Variants in STK39 observed in about 807,000 individuals in gnomAD.
STK39 encodes serine/threonine kinase 39.
STK39 carries 20 observed loss-of-function variants against 77.8 expected under a neutral mutation model. The observed-to-expected ratio is 0.26, with a 90% CI of 0.18 to 0.37. STK39 has a LOEUF of 0.37. STK39 is among the 10% of genes least tolerant of loss of function. The pLI is 1.00. For synonymous variants in STK39, 246 were observed against 234.1 expected (o/e 1.05, Z -0.47); for missense variants, 479 against 656.5 (o/e 0.73, Z 2.95).
At chr2:168,163,702 G>A in intron 4 of STK39, 37 bp downstream of exon 4, 1 of 1,612,890 alleles carries the variant, frequency 6.2e-7, no homozygotes, top group Non-Finnish European at 8.5e-7. Flanking sequence ...TTTAAGATAT[G>A]AACATCTGAA....
At chr2:168,045,423 G>GA (rs1685214995) in intron 14 of STK39, among the ~76,000 whole-genome samples, 1 of 139,710 alleles carries the variant, frequency 7.2e-6, no homozygotes, top group Admixed American at 7.6e-5. Flanking sequence ...ACTGATATTT[G>GA]AAAAATGACA....
At chr2:168,164,975 A>G (rs1688662176) in intron 3 of STK39, among the ~76,000 whole-genome samples, 1 of 152,110 alleles carries the variant, frequency 6.6e-6, no homozygotes, top group Non-Finnish European at 1.5e-5. Flanking sequence ...AAGAGGATTG[A>G]GCTTCCCCAT....
chr2:168,184,480 C>T (rs1373655149), intron 1 of STK39, among the ~76,000 whole-genome samples: 1 of 152,066 alleles, frequency 6.6e-6, no homozygotes, highest in African/African-American at 2.4e-5. Flanking sequence ...TAGAAGAGAC[C>T]AAGAACAAAG....
chr2:168,176,298 C>T (rs1243168457), intron 2 of STK39, among the ~76,000 whole-genome samples: 1 of 151,438 alleles, frequency 6.6e-6, no homozygotes, highest in African/African-American at 2.4e-5. Flanking sequence ...AGAGTTTCTC[C>T]CCCCCTTAAA....
At chr2:168,184,043 C>G (rs1474163678) in intron 1 of STK39, among the ~76,000 whole-genome samples, 1 of 152,138 alleles carries the variant, frequency 6.6e-6, no homozygotes, top group Non-Finnish European at 1.5e-5. Flanking sequence ...AATAAATCTC[C>G]CCCCAGCTCA....
intron 16 of STK39, among the ~76,000 whole-genome samples, chr2:168,008,631 C>T (rs2390625): frequency 6.6e-6 from 1 of 151,906 alleles, no homozygotes; most frequent in Non-Finnish European, 1.5e-5. Flanking sequence ...GTATTTAATA[C>T]CACGAAACCT....
intron 14 of STK39, among the ~76,000 whole-genome samples, chr2:168,051,521 A>C (rs1228157996): frequency 6.6e-6 from 1 of 152,188 alleles, no homozygotes; most frequent in African/African-American, 2.4e-5. Context: ...AGAGTCCCCA[A>C]AACATAACCA....
intron 1 of STK39, among the ~76,000 whole-genome samples, chr2:168,237,795 T>C (rs1690658440): frequency 6.6e-6 from 1 of 152,136 alleles, no homozygotes; most frequent in African/African-American, 2.4e-5. Flanking sequence ...TTAAATTTCC[T>C]AATTCTCTCT....
chr2:168,126,478 C>T (rs1687544734), intron 10 of STK39, among the ~76,000 whole-genome samples: 1 of 152,188 alleles, frequency 6.6e-6, no homozygotes, highest in Non-Finnish European at 1.5e-5. Context: ...ATCACATTTA[C>T]TTTCCAGCAG....
At chr2:168,191,232 C>T (rs573360059) in intron 1 of STK39, among the ~76,000 whole-genome samples, 14 of 152,308 alleles carry the variant, frequency 9.2e-5, no homozygotes, top group South Asian at 2.1e-4. Context: ...GCCTGACATG[C>T]GGACAATACC....
chr2:168,045,794 C>T (rs1685224002), intron 14 of STK39, among the ~76,000 whole-genome samples: 1 of 152,134 alleles, frequency 6.6e-6, no homozygotes, highest in Admixed American at 6.5e-5. Flanking sequence ...GCTATGCTAG[C>T]CCCAACCACG....
chr2:168,026,091 T>C (rs1684691693), intron 14 of STK39, among the ~76,000 whole-genome samples: 1 of 152,238 alleles, frequency 6.6e-6, no homozygotes, highest in Admixed American at 6.5e-5. Flanking sequence ...TTATTAGGCC[T>C]CATATTTTGA....
chr2:168,008,427 A>T (rs1018423099), intron 16 of STK39, among the ~76,000 whole-genome samples: 1 of 152,202 alleles, frequency 6.6e-6, no homozygotes, highest in African/African-American at 2.4e-5. Context: ...GATGATGCCT[A>T]TGAAGAGTCT....
intron 14 of STK39, among the ~76,000 whole-genome samples, chr2:168,039,323 T>C (rs1275651350): frequency 5.3e-5 from 1 of 19,008 alleles, no homozygotes; most frequent in Non-Finnish European, 2.1e-4. Context: ...CCGGGCGCGG[T>C]GGCTCACGCC....
intron 1 of STK39, among the ~76,000 whole-genome samples, chr2:168,240,769 A>T (rs1449208677): frequency 6.6e-6 from 1 of 152,248 alleles, no homozygotes; most frequent in Non-Finnish European, 1.5e-5. Context: ...GACCCTCAGC[A>T]TTTGATGTGG....
chr2:168,247,528 G>C lies in STK39; in HGVS notation c.-93C>G, dbSNP rs1008698485. 2.5e-5 allele frequency: 18 copies of C among 721,606 alleles called. 1 individual carries two copies. The highest frequency in any genetic ancestry group is 1.1e-4 in the South Asian group (3 of 27,044). The allele number at this position is 721,606 out of a possible 1,614,324, so 44.7% of individuals were successfully genotyped here. A position where few individuals can be genotyped will look rare whatever the true frequency, so the allele number is the denominator to read the frequency against. The stretch of plus-strand genomic sequence containing the variant: ...CCTCGCCGCCGACACCTCTCGGCCG[G>C]CGCACGCCCTCCCCGCCCGCCGCCG... On this transcript the variant is annotated 5_prime_UTR_variant, in exon 1 of 18. Transcript: ENST00000355999.
chr2:168,196,644 A>G (rs1689475876), intron 1 of STK39, among the ~76,000 whole-genome samples: 1 of 152,228 alleles, frequency 6.6e-6, no homozygotes, highest in South Asian at 2.1e-4. Flanking sequence ...ACTCTGTCTC[A>G]AAAACAAAAG....
At chr2:168,009,903 T>A (rs1224051453) in intron 16 of STK39, among the ~76,000 whole-genome samples, 1 of 152,224 alleles carries the variant, frequency 6.6e-6, no homozygotes, top group Non-Finnish European at 1.5e-5. Flanking sequence ...GTACATGAAG[T>A]CTGCCTTAAT....
chr2:168,077,980 T>C (rs1407737821), intron 10 of STK39, among the ~76,000 whole-genome samples: 1 of 152,142 alleles, frequency 6.6e-6, no homozygotes, highest in Non-Finnish European at 1.5e-5. Context: ...TTTACCCTTG[T>C]AATTCTAATT....
Sources: allele counts gnomAD v4.1 joint callset (sites outside exome capture counted in the v4.1 genomes callset), GRCh38; gene constraint gnomAD v4.1.1; transcripts MANE v1.5; gene names NCBI Gene and HGNC (gene_info 2026-07-23, HGNC 2026-07-21).